Variants in GXYLT2 observed in about 807,000 individuals in gnomAD.
GXYLT2 encodes the protein glycosyltransferase 8 domain containing 4.
Under a neutral mutation model 45.8 loss-of-function variants are expected in GXYLT2, and 53 were observed. The observed-to-expected ratio is 1.16, with a 90% CI of 0.93 to 1.46. GXYLT2 has a LOEUF of 1.46. Among genes scored for constraint, GXYLT2 ranks in the 40% most tolerant of loss-of-function variants. The probability of loss-of-function intolerance (pLI) is 0.00; values close to 1 mark genes in which losing one functional copy is unlikely to be tolerated. For synonymous variants in GXYLT2, 219 were observed against 214.2 expected (o/e 1.02, Z -0.19); for missense variants, 551 against 544.4 (o/e 1.01, Z -0.12).
At chr3:72,896,069 G>C (rs1349460467) in intron 1 of GXYLT2, among the ~76,000 whole-genome samples, 2 of 152,188 alleles carry the variant, frequency 1.3e-5, no homozygotes, top group Non-Finnish European at 2.9e-5. Context: ...ATGATTTGCT[G>C]TTCTGGGTAC....
chr3:72,948,916 C>T (rs1710462488), intron 3 of GXYLT2, among the ~76,000 whole-genome samples: 1 of 151,732 alleles, frequency 6.6e-6, no homozygotes, highest in Non-Finnish European at 1.5e-5. Flanking sequence ...ACAGGGAGCC[C>T]AGGGAACAGA....
Position 72,888,247 on chromosome 3 carries a change from G to C in GXYLT2, c.14G>C (p.Ser5Thr). Residue 5 changes from serine to threonine, a missense_variant, in exon 1 of 7, where the codon AGC becomes ACC. Transcript: ENST00000389617. MKLR[S>T]KAAALLLLAL... Reference sequence around the variant, plus strand: ...CCGCGCCGCACCATGAAGCTCCGCAGCAAGGCGGCGGCGCTGCTCTTGCTC... The same window carrying C: ...CCGCGCCGCACCATGAAGCTCCGCACCAAGGCGGCGGCGCTGCTCTTGCTC... 1 of 994,154 alleles carries C rather than the reference G, an allele frequency of 1.0e-6. No homozygotes were observed. Among genetic ancestry groups the C allele is most frequent in the Non-Finnish European group, 1.2e-6 (1 of 838,712 alleles). 61.6% of individuals were successfully genotyped at this position (994,154 alleles called of 1,614,324 possible).
At position 72,920,904 on chromosome 3, in the gene GXYLT2, T is replaced by C. The variant is rs1709821306; in HGVS notation, c.469-1300T>C. ...ATCTCAGCTCACTGCAACCTCCACCTCTGCCTCCCGGATTCAAGTGATTCT... is the reference window on the plus strand; with the variant it reads ...ATCTCAGCTCACTGCAACCTCCACCCCTGCCTCCCGGATTCAAGTGATTCT... On this transcript the variant is annotated intron_variant, in intron 2 of 6. Transcript: ENST00000389617. Among the ~76,000 whole-genome samples the C allele has an allele frequency of 2.0e-5, 3 of 151,418 alleles. No individual in the cohort carries two copies. In the South Asian group the frequency reaches 6.2e-4, roughly 31 times the overall value.
chr3:72,917,008 A>G (rs1207431974), intron 2 of GXYLT2, among the ~76,000 whole-genome samples: 1 of 152,160 alleles, frequency 6.6e-6, no homozygotes, highest in Non-Finnish European at 1.5e-5. Flanking sequence ...GGAGTTACCT[A>G]CTGAGGTAAA....
At chr3:72,936,633 C>T (rs1228375306) in intron 3 of GXYLT2, among the ~76,000 whole-genome samples, 1 of 149,914 alleles carries the variant, frequency 6.7e-6, no homozygotes, top group Non-Finnish European at 1.5e-5. Context: ...GAGTGAGACT[C>T]CATCTCAAAA....
At chr3:72,925,849 C>G (rs1051656351) in intron 3 of GXYLT2, among the ~76,000 whole-genome samples, 4 of 152,126 alleles carry the variant, frequency 2.6e-5, no homozygotes, top group Non-Finnish European at 5.9e-5. Context: ...TGCTGGCATT[C>G]CTTATCTGCT....
chr3:72,969,116 G>A (rs1456761560), intron 6 of GXYLT2, among the ~76,000 whole-genome samples: 4 of 151,844 alleles, frequency 2.6e-5, no homozygotes, highest in African/African-American at 7.3e-5. Context: ...CGTGGGCTAG[G>A]GATGGGAAAA....
chr3:72,915,367 G>C lies in GXYLT2; in HGVS notation c.468+6808G>C, dbSNP rs1316096535. ...TTTTTTTTTTTTTGCGGGGGGGGGGGGGATTTAGGAAAAATAGCCCATAGA... is the reference window on the plus strand; with the variant it reads ...TTTTTTTTTTTTTGCGGGGGGGGGGCGGATTTAGGAAAAATAGCCCATAGA... On this transcript the variant is annotated intron_variant, in intron 2 of 6. Transcript: ENST00000389617. 3.4e-4 allele frequency among the ~76,000 whole-genome samples: 42 copies of C among 124,034 alleles called. 3 individuals carry two copies. Among genetic ancestry groups the C allele is most frequent in the African/African-American group, 9.5e-4 (30 of 31,708 alleles). The allele number at this position is 124,034 out of a possible 152,430, so 81.4% of individuals were successfully genotyped here.
At chr3:72,951,129 A>T (rs777283633) in intron 3 of GXYLT2, among the ~76,000 whole-genome samples, 8 of 152,202 alleles carry the variant, frequency 5.3e-5, no homozygotes, top group Non-Finnish European at 1.2e-4. Flanking sequence ...TCCTCTTCAA[A>T]TTAATACCAG....
intron 5 of GXYLT2, 130 bp downstream of exon 5, chr3:72,957,482 A>C: frequency 3.2e-6 from 3 of 943,268 alleles, no homozygotes; most frequent in Non-Finnish European, 4.6e-6. Flanking sequence ...TCCCCAGCGA[A>C]GTTTGCCCTT....
chr3:72,967,861 G>A, intron 6 of GXYLT2, 142 bp downstream of exon 6: 1 of 656,670 alleles, frequency 1.5e-6, no homozygotes, highest in Non-Finnish European at 2.7e-6. Flanking sequence ...GTCACGCTCT[G>A]TCACTATATC....
chr3:72,895,300 A>T (rs1040648348), intron 1 of GXYLT2, among the ~76,000 whole-genome samples: 1 of 152,132 alleles, frequency 6.6e-6, no homozygotes, highest in Non-Finnish European at 1.5e-5. Context: ...ACTGTTCCCA[A>T]GGCCAGCTTC....
chr3:72,928,759 T>C (rs1041714119), intron 3 of GXYLT2, among the ~76,000 whole-genome samples: 7 of 149,556 alleles, frequency 4.7e-5, no homozygotes, highest in Non-Finnish European at 7.4e-5. Flanking sequence ...GTGGGGGCAA[T>C]TTGTGCTCCA....
chr3:72,930,483 C>G (rs1284289258), intron 3 of GXYLT2, among the ~76,000 whole-genome samples: 1 of 135,240 alleles, frequency 7.4e-6, no homozygotes, highest in Non-Finnish European at 1.6e-5. Context: ...GCCTGGGTAA[C>G]AGGAGTGAAA....
intron 3 of GXYLT2, among the ~76,000 whole-genome samples, chr3:72,937,227 A>T (rs182761659): frequency 8.7e-4 from 132 of 152,356 alleles, no homozygotes; most frequent in Non-Finnish European, 7.6e-4. Context: ...AAGAAATAGA[A>T]TAGAATAAAT....
At chr3:72,923,390 ACCTGACAGACTGAGAC>A (rs1391478587) in intron 3 of GXYLT2, among the ~76,000 whole-genome samples, 4 of 152,170 alleles carry the variant, frequency 2.6e-5, no homozygotes, top group Non-Finnish European at 5.9e-5. Context: ...ACTCCAGCCT[ACCTGACAGACTGAGAC>A]CGTGTCTCAA....
intron 1 of GXYLT2, 65 bp downstream of exon 1, chr3:72,888,573 A>G: frequency 9.7e-7 from 1 of 1,030,150 alleles, no homozygotes; most frequent in South Asian, 4.7e-5. Context: ...ACCCGTGCCA[A>G]GTCCAAGGGA....
chr3:72,931,607 C>T (rs549865500), intron 3 of GXYLT2, among the ~76,000 whole-genome samples: 1 of 152,142 alleles, frequency 6.6e-6, no homozygotes, highest in South Asian at 2.1e-4. Context: ...AATGAAGATA[C>T]AACATACCAG....
intron 5 of GXYLT2, among the ~76,000 whole-genome samples, chr3:72,959,106 CTTTTTTTTTTTTTT>C (rs55680713): frequency 1.7e-5 from 1 of 60,000 alleles, no homozygotes; most frequent in Non-Finnish European, 2.9e-5. Flanking sequence ...CCACACCCAG[CTTTTTTTTTTTTTT>C]TTTTTTTTTT....
Sources: gnomAD v4.1 joint callset for allele counts (sites outside exome capture counted in the v4.1 genomes callset) on GRCh38, gnomAD v4.1.1 for gene constraint, MANE v1.5 for transcripts, NCBI Gene and HGNC (gene_info 2026-07-23, HGNC 2026-07-21) for gene names.